CSMD1: variants seen among roughly 807,000 people sequenced by gnomAD.
The protein encoded by CSMD1 is CUB and sushi domain-containing protein 1.
Under a neutral mutation model 417.5 loss-of-function variants are expected in CSMD1, and 213 were observed. The observed-to-expected ratio is 0.51, with a 90% CI of 0.46 to 0.57. CSMD1 has a LOEUF of 0.57. CSMD1 is among the 20% of genes least tolerant of loss of function. CSMD1 has a pLI of 0.00. For synonymous variants in CSMD1, 2,862 were observed against 1,736.8 expected (o/e 1.65, Z -16.11); for missense variants, 6,923 against 4,529.7 (o/e 1.53, Z -15.17).
intron 2 of CSMD1, among the ~76,000 whole-genome samples, chr8:4,427,973 G>C (rs961721231): frequency 2.0e-5 from 3 of 152,134 alleles, no homozygotes; most frequent in African/African-American, 7.2e-5. Context: ...ACTCCTTGCT[G>C]TGACACCTCA....
chr8:4,154,739 G>C (rs968880129), intron 3 of CSMD1, among the ~76,000 whole-genome samples: 1 of 152,184 alleles, frequency 6.6e-6, no homozygotes. Context: ...CCTTATGCAA[G>C]TAAGGCTAAT....
chr8:3,305,364 G>A (rs1040142690), intron 25 of CSMD1, among the ~76,000 whole-genome samples: 4 of 152,100 alleles, frequency 2.6e-5, no homozygotes, highest in African/African-American at 9.7e-5. Context: ...TGGTTTTACT[G>A]TCTCCACCAA....
intron 3 of CSMD1, among the ~76,000 whole-genome samples, chr8:4,303,750 G>C (rs566776513): frequency 6.6e-6 from 1 of 151,894 alleles, no homozygotes; most frequent in African/African-American, 2.4e-5. Context: ...CAGCCTCCTG[G>C]TTTCAAGCGA....
intron 3 of CSMD1, among the ~76,000 whole-genome samples, chr8:4,342,627 GAC>G (rs2128895956): frequency 6.6e-6 from 1 of 152,048 alleles, no homozygotes; most frequent in Non-Finnish European, 1.5e-5. Flanking sequence ...TTCACATGCA[GAC>G]ATTCTTTATT....
chr8:3,977,018 C>G (rs573418595), intron 5 of CSMD1, among the ~76,000 whole-genome samples: 1 of 152,254 alleles, frequency 6.6e-6, no homozygotes, highest in Non-Finnish European at 1.5e-5. Context: ...AAGGTGCCTG[C>G]AGGGAATGGG....
intron 51 of CSMD1, among the ~76,000 whole-genome samples, chr8:3,019,021 G>C (rs1809122418): frequency 6.6e-6 from 1 of 152,150 alleles, no homozygotes; most frequent in African/African-American, 2.4e-5. Flanking sequence ...CGGTTCAAGT[G>C]ATTCTCCTCC....
At chr8:3,599,625 C>T (rs1489242102) in intron 8 of CSMD1, among the ~76,000 whole-genome samples, 1 of 152,210 alleles carries the variant, frequency 6.6e-6, no homozygotes, top group Non-Finnish European at 1.5e-5. Flanking sequence ...TGCTATACAT[C>T]AGATCCCTAG....
chr8:4,028,012 C>G (rs1466240103), intron 4 of CSMD1, among the ~76,000 whole-genome samples: 1 of 152,092 alleles, frequency 6.6e-6, no homozygotes, highest in African/African-American at 2.4e-5. Context: ...TGAGAACAGT[C>G]TGTGGAAAGC....
chr8:3,804,397 A>T (rs1387130228), intron 5 of CSMD1, among the ~76,000 whole-genome samples: 5 of 152,244 alleles, frequency 3.3e-5, no homozygotes, highest in Non-Finnish European at 7.3e-5. Context: ...AATAAAAAAT[A>T]CATTAATTAA....
At chr8:3,984,749 ATATT>A (rs66533222) in intron 5 of CSMD1, among the ~76,000 whole-genome samples, 2,066 of 67,260 alleles carry the variant, frequency 0.031, 157 homozygotes, top group Middle Eastern at 0.049. Context: ...ATATATATAT[ATATT>A]TGTATGTATT....
intron 3 of CSMD1, among the ~76,000 whole-genome samples, chr8:4,219,349 T>G (rs1800880212): frequency 6.6e-6 from 1 of 152,224 alleles, no homozygotes; most frequent in African/African-American, 2.4e-5. Context: ...TGAGCTGGAA[T>G]TGGGCACATC....
At chr8:3,553,614 C>A (rs1348899495) in intron 10 of CSMD1, among the ~76,000 whole-genome samples, 1 of 152,212 alleles carries the variant, frequency 6.6e-6, no homozygotes, top group African/African-American at 2.4e-5. Context: ...ATGTCCCTCC[C>A]AGCATTGCTA....
At chr8:4,088,262 G>C (rs1227642137) in intron 3 of CSMD1, among the ~76,000 whole-genome samples, 1 of 152,184 alleles carries the variant, frequency 6.6e-6, no homozygotes, top group Non-Finnish European at 1.5e-5. Flanking sequence ...TTTGCGAGTC[G>C]TGTTCCCACT....
intron 5 of CSMD1, among the ~76,000 whole-genome samples, chr8:3,942,814 C>G (rs953487259): frequency 6.6e-6 from 1 of 152,042 alleles, no homozygotes; most frequent in Non-Finnish European, 1.5e-5. Flanking sequence ...TTGGCAATAC[C>G]TAACCATAAG....
chr8:3,284,929 C>G (rs1057015670), intron 25 of CSMD1, among the ~76,000 whole-genome samples: 3 of 152,264 alleles, frequency 2.0e-5, no homozygotes, highest in African/African-American at 4.8e-5. Context: ...AACATAAACT[C>G]CCTTCTTTAT....
At position 4,388,927 on chromosome 8, in the gene CSMD1, G is replaced by A. The variant is rs192202077; in HGVS notation, c.415+31026C>T. 3.7e-3 allele frequency among the ~76,000 whole-genome samples: 562 copies of A among 152,172 alleles called. 5 individuals are homozygous for A. Among genetic ancestry groups the A allele is most frequent in the African/African-American group, 0.012 (514 of 41,534 alleles). On this transcript the variant is annotated intron_variant, in intron 3 of 69. Transcript: ENST00000635120. ...CAGCTATTTGTTCAAAGTTACTAAT[G>A]CTTTGAAAACCTGTTGCCATCTCTA...
intron 2 of CSMD1, among the ~76,000 whole-genome samples, chr8:4,441,005 A>G (rs1798437651): frequency 6.6e-6 from 1 of 151,490 alleles, no homozygotes; most frequent in Non-Finnish European, 1.5e-5. Flanking sequence ...TCAAAAAAAA[A>G]AAATTAAAAA....
chr8:4,104,298 G>A (rs1464116256), intron 3 of CSMD1, among the ~76,000 whole-genome samples: 1 of 152,214 alleles, frequency 6.6e-6, no homozygotes, highest in Non-Finnish European at 1.5e-5. Flanking sequence ...AAGCACCCAT[G>A]TGCAAGGATT....
At position 4,146,594 on chromosome 8, in the gene CSMD1, ATTTTTTTTTTTTT is replaced by A. The variant is rs71205423; in HGVS notation, c.416-114508_416-114496del. ...TCTGTCTAAATGTTTATATGGACACATTTTTTTTTTTTTTTTTTTTTTTTTTTTTTTTTTTGAG... is the reference window on the plus strand; with the variant it reads ...TCTGTCTAAATGTTTATATGGACACATTTTTTTTTTTTTTTTTTTTTTGAG... On this transcript the variant is annotated intron_variant, in intron 3 of 69. Transcript: ENST00000635120. Among the ~76,000 whole-genome samples, 4 of 64,264 alleles carry A rather than the reference ATTTTTTTTTTTTT, an allele frequency of 6.2e-5. No individual in the cohort carries two copies. The Admixed American group carries it at 6.7e-4, about 11-fold the overall frequency. The allele number at this position is 64,264 out of a possible 152,430, so 42.2% of individuals were successfully genotyped here. A position where few individuals can be genotyped will look rare whatever the true frequency, so the allele number is the denominator to read the frequency against.
Sources: allele counts gnomAD v4.1 joint callset (sites outside exome capture counted in the v4.1 genomes callset), GRCh38; gene constraint gnomAD v4.1.1; transcripts MANE v1.5; gene names NCBI Gene and HGNC (gene_info 2026-07-23, HGNC 2026-07-21).